Variants in PTPRN2 observed in about 807,000 individuals in gnomAD.
PTPRN2 encodes the protein protein tyrosine phosphatase receptor type N2.
A neutral mutation model predicts 118.8 loss-of-function variants in PTPRN2; 74 were observed. The observed-to-expected ratio is 0.62, with a 90% CI of 0.52 to 0.76. The LOEUF (loss-of-function observed/expected upper bound fraction) is 0.76, where lower values mean the gene tolerates loss of function less well. Ranked by LOEUF, PTPRN2 falls within the 30% of genes least tolerant of loss-of-function variation. The pLI is 0.00. For missense variants in PTPRN2, 1,481 were observed against 1,394.4 expected, an observed-to-expected ratio of 1.06 and a Z score of -0.99; for synonymous variants, 641 against 608.0, an observed-to-expected ratio of 1.05 and a Z score of -0.80.
intron 12 of PTPRN2, among the ~76,000 whole-genome samples, chr7:157,821,173 T>G (rs1342990157): frequency 6.6e-6 from 1 of 152,184 alleles, no homozygotes; most frequent in African/African-American, 2.4e-5. Flanking sequence ...TGAATGTAGG[T>G]GGAAGAAGGC....
At chr7:158,107,526 A>G (rs971448419) in intron 10 of PTPRN2, among the ~76,000 whole-genome samples, 6 of 151,924 alleles carry the variant, frequency 3.9e-5, no homozygotes, top group African/African-American at 1.5e-4. Flanking sequence ...GGCCCTCCCC[A>G]TTGTGAGCCA....
intron 5 of PTPRN2, among the ~76,000 whole-genome samples, chr7:158,173,926 T>C (rs1051449982): frequency 6.6e-6 from 1 of 152,234 alleles, no homozygotes; most frequent in African/African-American, 2.4e-5. Context: ...CTGTTCCTTT[T>C]CAGGGTGCCC....
intron 2 of PTPRN2, among the ~76,000 whole-genome samples, chr7:158,400,873 C>A (rs1352948676): frequency 1.3e-5 from 2 of 152,110 alleles, no homozygotes; most frequent in Admixed American, 1.3e-4. Flanking sequence ...TCCTCAAACA[C>A]CAACCAGCAG....
At chr7:158,330,734 G>GCAC (rs1563149943) in intron 2 of PTPRN2, among the ~76,000 whole-genome samples, 3 of 102,186 alleles carry the variant, frequency 2.9e-5, no homozygotes, top group African/African-American at 1.3e-4. Context: ...ACGTGCAGAC[G>GCAC]TCACTCACAC....
chr7:158,019,879 A>T (rs1011414373), intron 11 of PTPRN2, among the ~76,000 whole-genome samples: 1 of 152,246 alleles, frequency 6.6e-6, no homozygotes, highest in Non-Finnish European at 1.5e-5. Flanking sequence ...GGCCCCCGGC[A>T]TCCGCAGGAC....
At chr7:157,544,975 G>A (rs1280463079) in intron 22 of PTPRN2, among the ~76,000 whole-genome samples, 6 of 148,950 alleles carry the variant, frequency 4.0e-5, no homozygotes, top group Non-Finnish European at 8.9e-5. Context: ...GGTGTGCACA[G>A]CTGTGCAGGT....
At position 158,127,374 on chromosome 7, in the gene PTPRN2, C is replaced by T. The variant is rs534008550; in HGVS notation, c.1556+6303G>A. Among the ~76,000 whole-genome samples, 3 of 152,218 alleles carry T rather than the reference C, an allele frequency of 2.0e-5. No homozygotes were observed. In the East Asian group the frequency reaches 5.8e-4, roughly 30 times the overall value. On this transcript the variant is annotated intron_variant, in intron 9 of 22. Transcript: ENST00000389418. The stretch of plus-strand genomic sequence containing the variant: ...TGGCCCGGGCTCTGCTCCACCTGAG[C>T]CCCGTTCATCTCTCCACAGTCCAGG...
intron 11 of PTPRN2, chr7:158,027,772 T>A (rs1807389545): frequency 1.3e-5 from 2 of 149,580 alleles, no homozygotes; most frequent in South Asian, 4.2e-4. Flanking sequence ...TGGAACATAT[T>A]GTGAGTGTTC....
chr7:158,391,551 T>C (rs1012606041), intron 2 of PTPRN2, among the ~76,000 whole-genome samples: 1 of 152,216 alleles, frequency 6.6e-6, no homozygotes, highest in African/African-American at 2.4e-5. Flanking sequence ...TCTCATTTTA[T>C]GATGAGAAAT....
intron 11 of PTPRN2, among the ~76,000 whole-genome samples, chr7:158,059,535 T>C: frequency 1.2e-5 from 1 of 84,274 alleles, no homozygotes; most frequent in Non-Finnish European, 2.2e-5. Flanking sequence ...CCACACTCCA[T>C]CTGCAGTGAC....
chr7:158,113,265 G>GACCT (rs1316487010), intron 9 of PTPRN2, among the ~76,000 whole-genome samples: 1 of 152,172 alleles, frequency 6.6e-6, no homozygotes, highest in East Asian at 1.9e-4. Context: ...AGGCTGTAGG[G>GACCT]ACCTGCAGCC....
chr7:158,085,562 C>T (rs567646434), intron 10 of PTPRN2, among the ~76,000 whole-genome samples: 6 of 134,432 alleles, frequency 4.5e-5, no homozygotes, highest in East Asian at 2.4e-4. Context: ...ACACCCACCA[C>T]GCCCATCCAC....
At chr7:158,327,191 TCA>T (rs568833738) in intron 2 of PTPRN2, among the ~76,000 whole-genome samples, 203 of 149,760 alleles carry the variant, frequency 1.4e-3, no homozygotes, top group African/African-American at 4.7e-3. Flanking sequence ...GCTCACATTC[TCA>T]CACATGCACA....
chr7:158,240,691 A>T (rs1258758931), intron 3 of PTPRN2, among the ~76,000 whole-genome samples: 1 of 152,206 alleles, frequency 6.6e-6, no homozygotes, highest in African/African-American at 2.4e-5. Flanking sequence ...GGACTCCCAA[A>T]GTGCTGGGAT....
chr7:157,856,397 G>A (rs1809714721), intron 12 of PTPRN2, among the ~76,000 whole-genome samples: 1 of 152,208 alleles, frequency 6.6e-6, no homozygotes, highest in African/African-American at 2.4e-5. Flanking sequence ...CTCACACACA[G>A]CTCAGATGTC....
intron 12 of PTPRN2, among the ~76,000 whole-genome samples, chr7:157,731,168 T>C (rs1188812278): frequency 1.3e-5 from 2 of 151,932 alleles, no homozygotes; most frequent in African/African-American, 4.8e-5. Context: ...CCTCGTCCAG[T>C]TGTCAAATCA....
intron 6 of PTPRN2, among the ~76,000 whole-genome samples, chr7:158,144,968 G>A (rs976396652): frequency 3.5e-5 from 5 of 141,096 alleles, no homozygotes; most frequent in Non-Finnish European, 6.3e-5. Context: ...TCACATCATC[G>A]CAAGAAGGTT....
Position 158,205,277 on chromosome 7 carries a change from T to A in PTPRN2, c.278-4A>T. The A allele has an allele frequency of 6.2e-7, 1 of 1,611,844 alleles. No homozygotes were observed. The highest frequency in any genetic ancestry group is 8.5e-7 in the Non-Finnish European group (1 of 1,178,934). ...TAGTCATCCTGCCACGTGAAACCTG[T>A]GGACAAAAATTGCAAAAATTATGTC... On this transcript the variant is annotated splice_polypyrimidine_tract_variant and splice_region_variant and intron_variant, in intron 3 of 22. Transcript: ENST00000389418.
chr7:157,792,075 C>A (rs537219764), intron 12 of PTPRN2, among the ~76,000 whole-genome samples: 1 of 152,226 alleles, frequency 6.6e-6, no homozygotes, highest in Non-Finnish European at 1.5e-5. Context: ...CAAAGTTGGG[C>A]GAAGTGGCCC....
Sources: allele counts gnomAD v4.1 joint callset (sites outside exome capture counted in the v4.1 genomes callset), GRCh38; gene constraint gnomAD v4.1.1; transcripts MANE v1.5; gene names NCBI Gene and HGNC (gene_info 2026-07-23, HGNC 2026-07-21).